Variants in IQGAP2 observed in about 807,000 individuals in gnomAD.
The protein encoded by IQGAP2 is IQ motif containing GTPase activating protein 2.
In IQGAP2, 173 loss-of-function variants were observed where a neutral mutation model predicts 201.3. The ratio of observed to expected loss-of-function variants is 0.86; its 90% CI spans 0.76 to 0.98. IQGAP2 has a LOEUF of 0.98. Among genes scored for constraint, IQGAP2 ranks in the 50% least tolerant of loss-of-function variants. The pLI is 0.00. For synonymous variants in IQGAP2, 675 were observed against 673.9 expected (o/e 1.00, Z -0.03); for missense variants, 1,687 against 1,864.8 (o/e 0.90, Z 1.76).
intron 21 of IQGAP2, among the ~76,000 whole-genome samples, chr5:76,664,481 G>A (rs1318447224): frequency 3.9e-5 from 6 of 152,144 alleles, no homozygotes; most frequent in Non-Finnish European, 5.9e-5. Context: ...GCAGGAGATC[G>A]AGACCAGCCT....
intron 2 of IQGAP2, among the ~76,000 whole-genome samples, chr5:76,559,710 G>A (rs1744223617): frequency 6.6e-6 from 1 of 152,122 alleles, no homozygotes; most frequent in Non-Finnish European, 1.5e-5. Context: ...TCATAATGTT[G>A]ATGAAGAAAA....
At chr5:76,466,551 T>C (rs1754792877) in intron 2 of IQGAP2, among the ~76,000 whole-genome samples, 1 of 152,174 alleles carries the variant, frequency 6.6e-6, no homozygotes, top group Admixed American at 6.5e-5. Context: ...ACCCTAACAC[T>C]TCTGGTAAAC....
chr5:76,678,182 C>T (rs535068727), intron 28 of IQGAP2, among the ~76,000 whole-genome samples: 10 of 152,266 alleles, frequency 6.6e-5, no homozygotes, highest in African/African-American at 2.2e-4. Flanking sequence ...AAACAAGAAA[C>T]TACCACCCAA....
At chr5:76,542,595 C>A (rs1168490163) in intron 2 of IQGAP2, among the ~76,000 whole-genome samples, 2 of 152,202 alleles carry the variant, frequency 1.3e-5, no homozygotes, top group African/African-American at 4.8e-5. Flanking sequence ...CTACTTAATA[C>A]CTCCACTGAC....
At chr5:76,543,932 T>C (rs544871075) in intron 2 of IQGAP2, among the ~76,000 whole-genome samples, 1 of 152,336 alleles carries the variant, frequency 6.6e-6, no homozygotes, top group Non-Finnish European at 1.5e-5. Context: ...AGAACAATAA[T>C]GAAATTGTTA....
intron 2 of IQGAP2, among the ~76,000 whole-genome samples, chr5:76,493,646 A>G (rs1756703157): frequency 6.6e-6 from 1 of 151,418 alleles, no homozygotes; most frequent in Non-Finnish European, 1.5e-5. Flanking sequence ...TAATTTAGTG[A>G]TTTTTTTTCT....
chr5:76,664,997 A>AC (rs1213182643), intron 21 of IQGAP2, 29 bp from the exon 22 acceptor site: 1 of 1,303,888 alleles, frequency 7.7e-7, no homozygotes, highest in South Asian at 1.2e-5. Flanking sequence ...GAGAATTAAA[A>AC]AGGAGTAATC....
At chr5:76,413,980 C>T (rs904169375) in intron 1 of IQGAP2, among the ~76,000 whole-genome samples, 4 of 152,122 alleles carry the variant, frequency 2.6e-5, no homozygotes, top group South Asian at 2.1e-4. Flanking sequence ...CAGGCCTCAC[C>T]GCCTCTACAA....
chr5:76,579,652 G>A (rs1340616352), intron 5 of IQGAP2, among the ~76,000 whole-genome samples: 2 of 151,938 alleles, frequency 1.3e-5, no homozygotes, highest in African/African-American at 4.8e-5. Flanking sequence ...GCTTATGTAT[G>A]CCTTTTAAAT....
Position 76,677,324 on chromosome 5 carries a change from A to G in IQGAP2, c.3634A>G (p.Ile1212Val), listed in dbSNP as rs761355317. 7 of 1,613,868 alleles carry G rather than the reference A, an allele frequency of 4.3e-6. No homozygotes were observed. The highest frequency in any genetic ancestry group is 2.7e-5 in the African/African-American group (2 of 74,926). Residue 1212 changes from isoleucine to valine, a missense_variant, in exon 28 of 36, where the codon ATT (isoleucine) becomes GTT (valine). Coordinates refer to ENST00000274364, the MANE Select transcript of IQGAP2 (RefSeq NM_006633.5). ...CAGCAAACCAGTCATTTATATTTCAATTGAAGAAATCATCAGCACACACTC... is the reference window on the plus strand; with the variant it reads ...CAGCAAACCAGTCATTTATATTTCAGTTGAAGAAATCATCAGCACACACTC... ...TVSKPVIYIS[I>V]EEIISTHSLL...
chr5:76,497,844 T>A (rs1416112691), intron 2 of IQGAP2, among the ~76,000 whole-genome samples: 2 of 152,186 alleles, frequency 1.3e-5, no homozygotes, highest in Non-Finnish European at 2.9e-5. Context: ...TAACCAAGGG[T>A]TAAGAGGCCC....
intron 1 of IQGAP2, chr5:76,441,581 T>C (rs1753038589): frequency 4.3e-6 from 4 of 919,620 alleles, no homozygotes; most frequent in Middle Eastern, 5.6e-4. Context: ...TTCGTGAATC[T>C]CAGCGGTATG....
intron 27 of IQGAP2, among the ~76,000 whole-genome samples, chr5:76,676,180 A>C (rs1744802261): frequency 6.6e-6 from 1 of 151,918 alleles, no homozygotes; most frequent in African/African-American, 2.4e-5. Context: ...TATTCCTATC[A>C]GTCATTTATG....
At chr5:76,460,860 CTTTTT>C (rs61258350) in intron 1 of IQGAP2, among the ~76,000 whole-genome samples, 3 of 113,538 alleles carry the variant, frequency 2.6e-5, no homozygotes, top group Non-Finnish European at 5.2e-5. Flanking sequence ...TTGCACACTG[CTTTTT>C]TTTTTTTTTT....
intron 32 of IQGAP2, among the ~76,000 whole-genome samples, chr5:76,696,021 A>G (rs1385284019): frequency 2.0e-5 from 3 of 151,666 alleles, no homozygotes; most frequent in East Asian, 1.9e-4. Context: ...TTGTATTTTT[A>G]GTAGAGACGG....
chr5:76,679,523 C>T (rs551050489), intron 28 of IQGAP2, among the ~76,000 whole-genome samples: 1 of 152,286 alleles, frequency 6.6e-6, no homozygotes, highest in East Asian at 1.9e-4. Context: ...CATGTGCTTA[C>T]CCCTTTCTCT....
intron 19 of IQGAP2, 43 bp from the exon 20 acceptor site, chr5:76,654,891 G>A (rs1435680587): frequency 3.1e-6 from 4 of 1,281,044 alleles, no homozygotes; most frequent in South Asian, 1.2e-5. Flanking sequence ...TGATGGAGTA[G>A]GTGGGACTCT....
chr5:76,410,969 A>G (rs1255012156), intron 1 of IQGAP2, among the ~76,000 whole-genome samples: 1 of 152,188 alleles, frequency 6.6e-6, no homozygotes, highest in Non-Finnish European at 1.5e-5. Context: ...AGGAGCTGAC[A>G]GCTGTTTATT....
chr5:76,630,523 A>G (rs1750608354), intron 14 of IQGAP2, among the ~76,000 whole-genome samples: 1 of 152,250 alleles, frequency 6.6e-6, no homozygotes. Flanking sequence ...CTGGAAATTG[A>G]CCTGTGAACC....
Sources: gnomAD v4.1 joint callset for allele counts (sites outside exome capture counted in the v4.1 genomes callset) on GRCh38, gnomAD v4.1.1 for gene constraint, MANE v1.5 for transcripts, NCBI Gene and HGNC (gene_info 2026-07-23, HGNC 2026-07-21) for gene names.